SRSF10: variants seen among roughly 807,000 people sequenced by gnomAD.
SRSF10 encodes serine/arginine-rich splicing factor 10.
Under a neutral mutation model 32.6 loss-of-function variants are expected in SRSF10, and 9 were observed. The ratio of observed to expected loss-of-function variants is 0.28; its 90% CI spans 0.17 to 0.48. SRSF10 has a LOEUF of 0.48. SRSF10 is among the 20% of genes least tolerant of loss of function. The pLI is 0.99. For missense variants in SRSF10, 201 were observed against 331.8 expected (o/e 0.61, Z 3.06); for synonymous variants, 105 against 112.4 (o/e 0.93, Z 0.42).
intron 2 of SRSF10, chr1:23,978,232 C>T (rs1642205381): frequency 8.1e-6 from 8 of 985,804 alleles, no homozygotes; most frequent in Non-Finnish European, 9.6e-6. Context: ...TTCTTTCATG[C>T]TTTCTCTTTG....
intron 3 of SRSF10, among the ~76,000 whole-genome samples, chr1:23,973,003 C>T (rs1226213245): frequency 3.9e-5 from 6 of 152,150 alleles, no homozygotes; most frequent in Non-Finnish European, 7.4e-5. Flanking sequence ...GCCTTGACCT[C>T]CCAAAGTGCT....
rs924668264 is a variant in SRSF10, at chr1:23,965,106, A to G, written c.*6036T>C. ...GTGACTAGCAGAATGTCTTGTAGAT[A>G]GCAATAACCGAAGACAAACAGGTTG... On this transcript the variant is annotated 3_prime_UTR_variant, in exon 6 of 6. Transcript: ENST00000492112. The G allele has an allele frequency of 2.0e-5, 3 of 151,966 alleles. No homozygotes were observed. Among genetic ancestry groups the G allele is most frequent in the Admixed American group, 6.6e-5 (1 of 15,264 alleles). The allele number at this position is 151,966 out of a possible 1,614,324, so 9.4% of individuals were successfully genotyped here. A position where few individuals can be genotyped will look rare whatever the true frequency, so the allele number is the denominator to read the frequency against.
chr1:23,974,379 G>C (rs1321289295), intron 3 of SRSF10, among the ~76,000 whole-genome samples: 1 of 151,442 alleles, frequency 6.6e-6, no homozygotes, highest in Non-Finnish European at 1.5e-5. Context: ...TAAGTACGCA[G>C]CGAACATCTG....
In SRSF10 at chr1:23,967,337, A is replaced by C. The variant is rs1207391555; in HGVS notation, c.*3805T>G. The stretch of plus-strand genomic sequence containing the variant: ...CAGTTTGAGACAGACCAACAGAGGC[A>C]CTGTAAGAGACTATGGCTGTCTTCC... On this transcript the variant is annotated 3_prime_UTR_variant, in exon 6 of 6. Coordinates refer to ENST00000492112, the MANE Select transcript of SRSF10 (RefSeq NM_054016.4). The C allele has an allele frequency of 1.4e-5, 3 of 221,674 alleles. No individual in the cohort carries two copies. The highest frequency in any genetic ancestry group is 4.6e-5 in the African/African-American group (2 of 43,908). 13.7% of individuals were successfully genotyped at this position (221,674 alleles called of 1,614,324 possible). A position where few individuals can be genotyped will look rare whatever the true frequency, so the allele number is the denominator to read the frequency against.
intron 3 of SRSF10, among the ~76,000 whole-genome samples, chr1:23,973,425 G>A (rs1480618850): frequency 1.3e-5 from 2 of 152,120 alleles, no homozygotes; most frequent in African/African-American, 4.8e-5. Context: ...AACCTCCTGG[G>A]CCCAAGTGAT....
chr1:23,971,538 A>G, intron 5 of SRSF10, 35 bp downstream of exon 5: 2 of 1,598,292 alleles, frequency 1.3e-6, no homozygotes, highest in Non-Finnish European at 1.7e-6. Context: ...GAAATTAAAA[A>G]ATACATGAGT....
Position 23,965,575 on chromosome 1 carries a change from G to A in SRSF10, c.*5567C>T, listed in dbSNP as rs1022101036. 12 of 151,876 alleles carry A rather than the reference G, an allele frequency of 7.9e-5. No homozygotes were observed. Among genetic ancestry groups the A allele is most frequent in the Non-Finnish European group, 1.3e-4 (9 of 67,828 alleles). The allele number at this position is 151,876 out of a possible 1,614,324, so 9.4% of individuals were successfully genotyped here. The stretch of plus-strand genomic sequence containing the variant: ...ACCCATTTCCCAGGAGTGTTTTTAG[G>A]ATTAAATAGAAATATTTGAAAAGCA... On this transcript the variant is annotated 3_prime_UTR_variant, in exon 6 of 6. Transcript: ENST00000492112.
rs974828864 is a variant in SRSF10, at chr1:23,966,334, T to A, written c.*4808A>T. The A allele has an allele frequency of 9.9e-5, 15 of 152,032 alleles. No homozygotes were observed. The highest frequency in any genetic ancestry group is 3.1e-4 in the African/African-American group (13 of 41,538). The allele number at this position is 152,032 out of a possible 1,614,324, so 9.4% of individuals were successfully genotyped here. A position where few individuals can be genotyped will look rare whatever the true frequency, so the allele number is the denominator to read the frequency against. On this transcript the variant is annotated 3_prime_UTR_variant, in exon 6 of 6. Transcript: ENST00000492112. ...TTCCAGATTTTTAGTTAATTTTATA[T>A]GGAAAATTTTAAGTATGTGGCAAAA...
intron 3 of SRSF10, among the ~76,000 whole-genome samples, chr1:23,972,719 G>T (rs1641843746): frequency 6.6e-6 from 1 of 150,666 alleles, no homozygotes; most frequent in Non-Finnish European, 1.5e-5. Flanking sequence ...TAGGATTACA[G>T]GTGTGAGCCA....
At chr1:23,974,329 C>T (rs1183253182) in intron 3 of SRSF10, among the ~76,000 whole-genome samples, 1 of 152,170 alleles carries the variant, frequency 6.6e-6, no homozygotes, top group Admixed American at 6.5e-5. Flanking sequence ...AGAATTCACA[C>T]ACAGGTCTTT....
intron 2 of SRSF10, chr1:23,977,036 T>A (rs890212651): frequency 1.3e-5 from 2 of 152,226 alleles, no homozygotes; most frequent in African/African-American, 4.8e-5. Flanking sequence ...GAGGTCTATG[T>A]TGTAAGCCAG....
In SRSF10 at chr1:23,971,152, C is replaced by T; in HGVS notation, c.779G>A (p.Ser260Asn). 6.2e-7 allele frequency: 1 copy of T among 1,609,096 alleles called. No individual in the cohort carries two copies. Reference sequence around the variant, plus strand: ...CCATGGTTTATACTATCAGTGGCCACTGGACTTAGGACTAGTCCAAGACCT... The same window carrying T: ...CCATGGTTTATACTATCAGTGGCCATTGGACTTAGGACTAGTCCAAGACCT... ...RSRSWTSPKSSGH is the reference protein window; with the variant it reads ...RSRSWTSPKSNGH The change falls in exon 6 of 6, where the codon AGT (serine) becomes AAT (asparagine). Residue 260 changes from serine to asparagine, a missense_variant. This residue lies in a region of SRSF10 where 159 missense variants were observed against 196.7 expected (regional missense o/e 0.81). Transcript: ENST00000492112.
rs1258624052 is a variant in SRSF10, at chr1:23,969,778, G to A, written c.*1364C>T. On this transcript the variant is annotated 3_prime_UTR_variant, in exon 6 of 6. Coordinates refer to ENST00000492112, the MANE Select transcript of SRSF10 (RefSeq NM_054016.4). ...TTAGTCAGGTACTACACTGATAATC[G>A]AAAGCTCAAAAGATGTGACTCTTGC... 15 of 985,094 alleles carry A rather than the reference G, an allele frequency of 1.5e-5. No individual in the cohort carries two copies. The highest frequency in any genetic ancestry group is 9.4e-5 in the South Asian group (2 of 21,284). The allele number at this position is 985,094 out of a possible 1,614,324, so 61.0% of individuals were successfully genotyped here.
At chr1:23,974,083 C>T (rs1167408759) in intron 3 of SRSF10, among the ~76,000 whole-genome samples, 2 of 151,718 alleles carry the variant, frequency 1.3e-5, no homozygotes, top group African/African-American at 2.4e-5. Context: ...CCTCTGCCTG[C>T]CGGGTTCAAG....
Position 23,966,329 on chromosome 1 carries a change from T to A in SRSF10, c.*4813A>T, listed in dbSNP as rs1641448531. On this transcript the variant is annotated 3_prime_UTR_variant, in exon 6 of 6. Coordinates refer to ENST00000492112, the MANE Select transcript of SRSF10 (RefSeq NM_054016.4). The stretch of plus-strand genomic sequence containing the variant: ...TCCACTTCCAGATTTTTAGTTAATT[T>A]TATATGGAAAATTTTAAGTATGTGG... 6.6e-6 allele frequency: 1 copy of A among 151,924 alleles called. No homozygotes were observed. The highest frequency in any genetic ancestry group is 6.6e-5 in the Admixed American group (1 of 15,256). The allele number at this position is 151,924 out of a possible 1,614,324, so 9.4% of individuals were successfully genotyped here.
Position 23,969,021 on chromosome 1 carries a change from T to A in SRSF10, c.*2121A>T. On this transcript the variant is annotated 3_prime_UTR_variant, in exon 6 of 6. Transcript: ENST00000492112. ...AAATATTCCTAAATCTATAAAGGAC[T>A]GTTTCCATTGTTATTTTAGAATCAT... 1.4e-6 allele frequency: 1 copy of A among 722,324 alleles called. No homozygotes were observed. 44.7% of individuals were successfully genotyped at this position (722,324 alleles called of 1,614,324 possible). A position where few individuals can be genotyped will look rare whatever the true frequency, so the allele number is the denominator to read the frequency against.
chr1:23,979,958 G>A (rs1357417976), intron 1 of SRSF10, among the ~76,000 whole-genome samples: 1 of 152,190 alleles, frequency 6.6e-6, no homozygotes, highest in Non-Finnish European at 1.5e-5. Context: ...AACTGCGGAG[G>A]GGGAGGGGGA....
chr1:23,979,461 T>A (rs1408168002), intron 1 of SRSF10, among the ~76,000 whole-genome samples: 2 of 152,092 alleles, frequency 1.3e-5, no homozygotes, highest in East Asian at 3.9e-4. Context: ...TAAGAACTCT[T>A]CCAAAATAAT....
chr1:23,970,794 AG>A lies in SRSF10; in HGVS notation c.*347del, dbSNP rs1641711909. ...TAGCAAGCTACATTTCTAGGTTAAC[AG>A]TTCTACCAAATATGAATATGAAAGT... On this transcript the variant is annotated 3_prime_UTR_variant, in exon 6 of 6. Coordinates refer to ENST00000492112, the MANE Select transcript of SRSF10 (RefSeq NM_054016.4). 1 of 1,041,730 alleles carries A rather than the reference AG, an allele frequency of 9.6e-7. No homozygotes were observed. Among genetic ancestry groups the A allele is most frequent in the African/African-American group, 1.7e-5 (1 of 58,402 alleles). 64.5% of individuals were successfully genotyped at this position (1,041,730 alleles called of 1,614,324 possible). A position where few individuals can be genotyped will look rare whatever the true frequency, so the allele number is the denominator to read the frequency against.
Sources: allele counts gnomAD v4.1 joint callset (sites outside exome capture counted in the v4.1 genomes callset), GRCh38; gene constraint gnomAD v4.1.1; regional missense constraint gnomAD v4.1.1; transcripts MANE v1.5; gene names NCBI Gene and HGNC (gene_info 2026-07-23, HGNC 2026-07-21).